The following CEACAM3 variants were observed in gnomAD, a reference collection of about 807,000 sequenced individuals.
CEACAM3 encodes the protein cell adhesion molecule CEACAM3.
In CEACAM3, 32 loss-of-function variants were observed where a neutral mutation model predicts 30.1. That is an observed-to-expected ratio of 1.06 (90% CI 0.80 to 1.43). The LOEUF (loss-of-function observed/expected upper bound fraction) is 1.43. Ranked by LOEUF, CEACAM3 falls within the 40% of genes most tolerant of loss-of-function variation. The probability of loss-of-function intolerance (pLI) is 0.00; values close to 1 mark genes in which losing one functional copy is unlikely to be tolerated. For missense variants in CEACAM3, 290 were observed against 316.3 expected (o/e 0.92, Z 0.63); for synonymous variants, 134 against 127.2 (o/e 1.05, Z -0.36).
chr19:41,810,812 C>G lies in CEACAM3; in HGVS notation c.628-20C>G. On this transcript the variant is annotated intron_variant, in intron 5 of 6. Transcript: ENST00000357396. ...AAACTTCCAGGCTGGGCCTCCATGA[C>G]CCTCCCTCCCTGTCCACAGATGTCC... The G allele has an allele frequency of 6.2e-7, 1 of 1,604,592 alleles. No homozygotes were observed. Among genetic ancestry groups the G allele is most frequent in the Non-Finnish European group, 8.5e-7 (1 of 1,171,864 alleles).
chr19:41,808,034 G>A (rs1454935192), intron 2 of CEACAM3, among the ~76,000 whole-genome samples: 6 of 152,200 alleles, frequency 3.9e-5, no homozygotes, highest in Non-Finnish European at 8.8e-5. Context: ...TCTCTGCTAA[G>A]TGGATCCCTG....
intron 5 of CEACAM3, 57 bp from the exon 6 acceptor site, chr19:41,810,775 A>G (rs1288717411): frequency 6.9e-7 from 1 of 1,441,402 alleles, no homozygotes; most frequent in Non-Finnish European, 9.8e-7. Context: ...ATCCTGGCCA[A>G]TCAGAGACAG....
At position 41,797,791 on chromosome 19, in the gene CEACAM3, T is replaced by C; in HGVS notation, c.267T>C (p.Ala89=). 6.2e-7 allele frequency: 1 copy of C among 1,612,332 alleles called. No individual in the cohort carries two copies. Among genetic ancestry groups the C allele is most frequent in the Non-Finnish European group, 8.5e-7 (1 of 1,180,006 alleles). ...IVGYVIGTQQ[A]TPGAAYSGRE... ...GATATGTAATAGGAACTCAACAAGC[T>C]ACCCCAGGGGCCGCATACAGCGGTC... The change falls in exon 2 of 7, where the codon GCT becomes GCC. Residue 89 remains alanine, a synonymous_variant. Transcript: ENST00000357396.
chr19:41,808,355 G>A (rs1364641753), intron 2 of CEACAM3, among the ~76,000 whole-genome samples: 2 of 152,306 alleles, frequency 1.3e-5, no homozygotes, highest in Admixed American at 6.5e-5. Flanking sequence ...CTCCCTCAAG[G>A]TGATGTAAGG....
At chr19:41,810,126 C>G in intron 4 of CEACAM3, 109 bp downstream of exon 4, 1 of 1,327,350 alleles carries the variant, frequency 7.5e-7, no homozygotes, top group Non-Finnish European at 1.1e-6. Flanking sequence ...CCGGGGGCTG[C>G]AAGGAGGATC....
In CEACAM3 at chr19:41,811,196, A is replaced by G. The variant is rs1469625811; in HGVS notation, c.718A>G (p.Ile240Val). The G allele has an allele frequency of 1.2e-6, 2 of 1,613,964 alleles. No individual in the cohort carries two copies. Among genetic ancestry groups the G allele is most frequent in the Non-Finnish European group, 8.5e-7 (1 of 1,179,966 alleles). Reference sequence around the variant, plus strand: ...GGAATTGCTAAAACATGACACAAACATTTACTGCCGGATGGACCACAAAGC... The same window carrying G: ...GGAATTGCTAAAACATGACACAAACGTTTACTGCCGGATGGACCACAAAGC... ...YEELLKHDTN[I>V]YCRMDHKAEV... The change falls in exon 7 of 7, where the codon ATT becomes GTT. Residue 240 changes from isoleucine to valine, a missense_variant. Ile to Val is a conservative substitution (Grantham distance 29). Coordinates refer to ENST00000357396, the MANE Select transcript of CEACAM3 (RefSeq NM_001815.5).
intron 4 of CEACAM3, 143 bp downstream of exon 4, chr19:41,810,160 C>G: frequency 7.9e-7 from 1 of 1,271,574 alleles, no homozygotes; most frequent in Admixed American, 1.9e-5. Context: ...CACAGGGGAC[C>G]CCAATTGCTT....
chr19:41,804,880 A>C (rs1290157581), intron 2 of CEACAM3, among the ~76,000 whole-genome samples: 5 of 151,796 alleles, frequency 3.3e-5, no homozygotes, highest in Non-Finnish European at 7.4e-5. Flanking sequence ...TCCTTTGTCT[A>C]AACTCCTGAC....
chr19:41,808,754 T>C, intron 2 of CEACAM3, 59 bp from the exon 3 acceptor site: 1 of 1,389,582 alleles, frequency 7.2e-7, no homozygotes, highest in African/African-American at 1.4e-5. Flanking sequence ...GCAAGGCCCC[T>C]GTGGTTTCCT....
chr19:41,810,271 G>C, intron 4 of CEACAM3, 52 bp from the exon 5 acceptor site: 2 of 1,581,218 alleles, frequency 1.3e-6, no homozygotes, highest in East Asian at 4.6e-5. Flanking sequence ...TTCCTGGAGA[G>C]GGGATAAGGC....
Position 41,796,666 on chromosome 19 carries a change from G to A in CEACAM3, c.-12G>A. 6.2e-7 allele frequency: 1 copy of A among 1,614,142 alleles called. No homozygotes were observed. Among genetic ancestry groups the A allele is most frequent in the Non-Finnish European group, 8.5e-7 (1 of 1,179,968 alleles). On this transcript the variant is annotated 5_prime_UTR_variant, in exon 1 of 7. Transcript: ENST00000357396. Reference sequence around the variant, plus strand: ...TTTTCCACAGAGGAGGAAAGAGCAGGCAGCAGAGACCATGGGGCCCCCCTC... The same window carrying A: ...TTTTCCACAGAGGAGGAAAGAGCAGACAGCAGAGACCATGGGGCCCCCCTC...
At chr19:41,810,496 G>T (rs2073240593) in intron 5 of CEACAM3, 142 bp downstream of exon 5, 6 of 1,032,924 alleles carry the variant, frequency 5.8e-6, no homozygotes, top group South Asian at 5.6e-5. Flanking sequence ...GCCCTGGCCA[G>T]GAGCTGGGCC....
Position 41,797,788 on chromosome 19 carries a change from A to G in CEACAM3, c.264A>G (p.Gln88=). The G allele has an allele frequency of 4.3e-6, 7 of 1,612,472 alleles. No individual in the cohort carries two copies. Among genetic ancestry groups the G allele is most frequent in the Non-Finnish European group, 5.9e-6 (7 of 1,180,014 alleles). Residue 88 remains glutamine, a synonymous_variant, in exon 2 of 7, where the codon CAA becomes CAG. Coordinates refer to ENST00000357396, the MANE Select transcript of CEACAM3 (RefSeq NM_001815.5). ...TAGGATATGTAATAGGAACTCAACA[A>G]GCTACCCCAGGGGCCGCATACAGCG... ...LIVGYVIGTQ[Q]ATPGAAYSGR...
chr19:41,810,933 C>T, intron 6 of CEACAM3, 36 bp downstream of exon 6: 27 of 1,565,568 alleles, frequency 1.7e-5, no homozygotes, highest in Non-Finnish European at 2.3e-5. Context: ...GTCCCACAGG[C>T]CCCAGGGGAC....
chr19:41,807,484 C>A, intron 2 of CEACAM3: 2 of 1,483,860 alleles, frequency 1.3e-6, no homozygotes, highest in Non-Finnish European at 9.0e-7. Context: ...GGGACTCAGA[C>A]TCTCACCCAG....
intron 2 of CEACAM3, chr19:41,807,074 G>A: frequency 6.2e-7 from 1 of 1,608,780 alleles, no homozygotes; most frequent in Non-Finnish European, 8.5e-7. Context: ...AATCACAGGT[G>A]CCACACAGGG....
intron 2 of CEACAM3, among the ~76,000 whole-genome samples, chr19:41,805,285 CTTTTTTTTTTTTT>C (rs782317671): frequency 1.9e-5 from 2 of 105,030 alleles, no homozygotes; most frequent in African/African-American, 7.2e-5. Context: ...CTTTTTTCTT[CTTTTTTTTTTTTT>C]TTTTTTTTTT....
In CEACAM3 at chr19:41,800,796, C is replaced by G. The variant is rs565904500; in HGVS notation, c.424+2848C>G. ...GATGACTCACACTCTTTACCCTCCC[C>G]CTTTTGCTTTGTATCCAATAAATAA... On this transcript the variant is annotated intron_variant, in intron 2 of 6. Coordinates refer to ENST00000357396, the MANE Select transcript of CEACAM3 (RefSeq NM_001815.5). Among the ~76,000 whole-genome samples, 10 of 152,294 alleles carry G rather than the reference C, an allele frequency of 6.6e-5. No homozygotes were observed. In the East Asian group the frequency reaches 1.9e-3, roughly 29 times the overall value.
intron 6 of CEACAM3, 90 bp from the exon 7 acceptor site, chr19:41,811,082 A>C: frequency 6.9e-7 from 1 of 1,441,266 alleles, no homozygotes; most frequent in Non-Finnish European, 9.7e-7. Flanking sequence ...TCAGCCCCAG[A>C]GCAGCCCTGG....
Sources: allele counts gnomAD v4.1 joint callset (sites outside exome capture counted in the v4.1 genomes callset), GRCh38; gene constraint gnomAD v4.1.1; transcripts MANE v1.5; gene names NCBI Gene and HGNC (gene_info 2026-07-23, HGNC 2026-07-21).